COL4A1: variants seen among roughly 807,000 people sequenced by gnomAD.
COL4A1 encodes the protein collagen alpha-1(IV) chain.
COL4A1 carries 40 observed loss-of-function variants against 216.6 expected under a neutral mutation model. The observed-to-expected ratio is 0.18, with a 90% CI of 0.14 to 0.24. COL4A1 has a LOEUF of 0.24. Among genes scored for constraint, COL4A1 ranks in the 10% least tolerant of loss-of-function variants. The pLI is 1.00. For missense variants in COL4A1, 1,628 were observed against 2,196.8 expected (o/e 0.74, Z 5.18); for synonymous variants, 839 against 810.7 (o/e 1.03, Z -0.59).
At chr13:110,161,082 A>G (rs1877061043) in intron 49 of COL4A1, 110 bp downstream of exon 49, 1 of 1,119,726 alleles carries the variant, frequency 8.9e-7, no homozygotes, top group Non-Finnish European at 1.3e-6. Flanking sequence ...ATAATAAGCT[A>G]AATGGCAATG....
intron 27 of COL4A1, 25 bp downstream of exon 27, chr13:110,183,159 C>G: frequency 6.2e-7 from 1 of 1,613,270 alleles, no homozygotes; most frequent in African/African-American, 1.3e-5. Context: ...CGTGGTATCC[C>G]GGTGAGCTGG....
rs1015656609 is a variant in COL4A1, at chr13:110,211,120, G to A, written c.468+527C>T. On this transcript the variant is annotated intron_variant, in intron 8 of 51. Coordinates refer to ENST00000375820, the MANE Select transcript of COL4A1 (RefSeq NM_001845.6). The surrounding 1 kb of genome is among the most constrained non-coding windows in gnomAD (Gnocchi z 4.3). Reference sequence around the variant, plus strand: ...ACTCTCACCTTCATCCAGGTAAGCAGTTATCTCTACTGCAGCTGCTGAGAC... The same window carrying A: ...ACTCTCACCTTCATCCAGGTAAGCAATTATCTCTACTGCAGCTGCTGAGAC... Among the ~76,000 whole-genome samples, 16 of 152,196 alleles carry A rather than the reference G, an allele frequency of 1.1e-4. No individual in the cohort carries two copies. The highest frequency in any genetic ancestry group is 3.9e-4 in the African/African-American group (16 of 41,446).
chr13:110,278,128 A>G (rs891380739), intron 1 of COL4A1, among the ~76,000 whole-genome samples: 2 of 152,248 alleles, frequency 1.3e-5, no homozygotes, highest in East Asian at 3.8e-4. Flanking sequence ...GTAAGTTTCA[A>G]TAGAGCCACT....
intron 2 of COL4A1, among the ~76,000 whole-genome samples, chr13:110,219,579 G>C (rs181238414): frequency 6.6e-6 from 1 of 150,782 alleles, no homozygotes; most frequent in Non-Finnish European, 1.5e-5. Flanking sequence ...GCAAGAGCTT[G>C]AGCAGCACAT....
At chr13:110,302,803 G>A (rs1052666737) in intron 1 of COL4A1, among the ~76,000 whole-genome samples, 15 of 152,280 alleles carry the variant, frequency 9.9e-5, no homozygotes, top group African/African-American at 2.2e-4. Context: ...TTTTTTCATG[G>A]TTGCTTAATA....
intron 2 of COL4A1, among the ~76,000 whole-genome samples, chr13:110,237,087 C>A (rs1489627100): frequency 6.6e-6 from 1 of 152,164 alleles, no homozygotes; most frequent in East Asian, 1.9e-4. Context: ...TCCAGCAGTC[C>A]TCCCCGTCCC....
chr13:110,209,716 C>T, intron 10 of COL4A1: 1 of 711,470 alleles, frequency 1.4e-6, no homozygotes, highest in South Asian at 1.6e-5. Flanking sequence ...CAGCAGTACC[C>T]CGCCAGCCCC....
intron 1 of COL4A1, among the ~76,000 whole-genome samples, chr13:110,304,686 C>T (rs1268887634): frequency 2.0e-5 from 3 of 152,308 alleles, no homozygotes; most frequent in African/African-American, 7.2e-5. Context: ...TTAGAAAATC[C>T]ACCCATGAGT....
chr13:110,245,423 T>C (rs1881755068), intron 1 of COL4A1, among the ~76,000 whole-genome samples: 4 of 152,230 alleles, frequency 2.6e-5, no homozygotes, highest in Admixed American at 2.6e-4. Flanking sequence ...CTCATGTATC[T>C]GCAGAGTCCA....
At chr13:110,170,438 C>T in intron 42 of COL4A1, 109 bp downstream of exon 42, 1 of 1,222,334 alleles carries the variant, frequency 8.2e-7, no homozygotes, top group East Asian at 2.5e-5. Context: ...ATGCTGCAGA[C>T]TTCTAAATAA....
At chr13:110,162,043 A>G (rs1474058025) in intron 48 of COL4A1, 187 bp downstream of exon 48, 2 of 689,530 alleles carry the variant, frequency 2.9e-6, no homozygotes, top group Admixed American at 4.2e-5. Context: ...CAGCTGTTGA[A>G]CCGATTATTT....
chr13:110,224,831 C>T (rs980261482), intron 2 of COL4A1, among the ~76,000 whole-genome samples: 3 of 151,756 alleles, frequency 2.0e-5, no homozygotes, highest in African/African-American at 7.3e-5. Flanking sequence ...AACGAGGACA[C>T]AGCAAAGGCA....
chr13:110,216,901 C>T (rs778726386), intron 2 of COL4A1, among the ~76,000 whole-genome samples: 9 of 152,178 alleles, frequency 5.9e-5, no homozygotes, highest in Non-Finnish European at 1.2e-4. Context: ...GGGAACAGAA[C>T]ACAGAAATCC....
At chr13:110,218,741 A>C (rs1341770952) in intron 2 of COL4A1, among the ~76,000 whole-genome samples, 1 of 152,184 alleles carries the variant, frequency 6.6e-6, no homozygotes, top group African/African-American at 2.4e-5. Flanking sequence ...AGTCCGCAGC[A>C]GTGGCTGAGA....
intron 2 of COL4A1, among the ~76,000 whole-genome samples, chr13:110,235,710 T>C (rs1224873175): frequency 6.6e-6 from 1 of 150,610 alleles, no homozygotes; most frequent in Non-Finnish European, 1.5e-5. Flanking sequence ...AAGAAGGTAA[T>C]TATTATTCTT....
intron 8 of COL4A1, 81 bp from the exon 9 acceptor site, chr13:110,210,293 A>G: frequency 4.4e-6 from 6 of 1,348,840 alleles, no homozygotes; most frequent in Non-Finnish European, 6.3e-6. Flanking sequence ...GATAGTTGGC[A>G]TATATTAGTG....
chr13:110,208,218 C>G (rs891555076), intron 12 of COL4A1, among the ~76,000 whole-genome samples: 1 of 152,232 alleles, frequency 6.6e-6, no homozygotes, highest in African/African-American at 2.4e-5. Context: ...AGGGACCCAC[C>G]ACTTGCCTCC....
chr13:110,183,398 G>A, intron 26 of COL4A1, 122 bp from the exon 27 acceptor site: 1 of 883,302 alleles, frequency 1.1e-6, no homozygotes, highest in Non-Finnish European at 1.8e-6. Flanking sequence ...TGCCCGGAGA[G>A]CAGAGCCTCT....
At chr13:110,301,662 C>A (rs370077283) in intron 1 of COL4A1, among the ~76,000 whole-genome samples, 2 of 152,134 alleles carry the variant, frequency 1.3e-5, no homozygotes, top group South Asian at 4.1e-4. Flanking sequence ...GGGCAGGCTG[C>A]GAACTGTTTC....
Sources: gnomAD v4.1 joint callset for allele counts (sites outside exome capture counted in the v4.1 genomes callset) on GRCh38, gnomAD v4.1.1 for gene constraint, Gnocchi (gnomAD v3.1) non-coding constraint, MANE v1.5 for transcripts, NCBI Gene and HGNC (gene_info 2026-07-23, HGNC 2026-07-21) for gene names.